ARAP2: variants seen among roughly 807,000 people sequenced by gnomAD.
The protein encoded by ARAP2 is arf-GAP with Rho-GAP domain, ANK repeat and PH domain-containing protein 2.
ARAP2 carries 148 observed loss-of-function variants against 194.5 expected under a neutral mutation model. The ratio of observed to expected loss-of-function variants is 0.76; its 90% CI spans 0.67 to 0.87. The LOEUF (loss-of-function observed/expected upper bound fraction) is 0.87. ARAP2 is among the 40% of genes least tolerant of loss of function. The pLI is 0.00. For missense variants in ARAP2, 2,128 were observed against 1,989.7 expected (o/e 1.07, Z -1.32); for synonymous variants, 695 against 683.5 (o/e 1.02, Z -0.26).
chr4:36,152,549 C>T (rs914838220), intron 15 of ARAP2, among the ~76,000 whole-genome samples: 1 of 152,060 alleles, frequency 6.6e-6, no homozygotes, highest in African/African-American at 2.4e-5. Flanking sequence ...AGATCCACCC[C>T]TGTTCTCAGG....
intron 2 of ARAP2, among the ~76,000 whole-genome samples, chr4:36,221,579 T>A (rs982463865): frequency 6.6e-6 from 1 of 152,102 alleles, no homozygotes; most frequent in Non-Finnish European, 1.5e-5. Flanking sequence ...TTTTAAGGAA[T>A]ATTTTGTTGG....
chr4:36,021,060 T>G (rs1343366789), intron 5 of ARAP2, among the ~76,000 whole-genome samples: 1 of 152,196 alleles, frequency 6.6e-6, no homozygotes, highest in Non-Finnish European at 1.5e-5. Context: ...GAAGGAAAGA[T>G]GATACGTATC....
intron 5 of ARAP2, 134 bp from the exon 6 acceptor site, chr4:36,210,877 A>G: frequency 1.5e-6 from 1 of 656,012 alleles, no homozygotes; most frequent in South Asian, 2.6e-5. Flanking sequence ...CATTAACCCT[A>G]TTGAAAATTT....
chr4:36,161,146 AAC>A (rs36207295), intron 12 of ARAP2, among the ~76,000 whole-genome samples: 12,549 of 147,344 alleles, frequency 0.085, 546 homozygotes, highest in Middle Eastern at 0.13. Flanking sequence ...CACACACACA[AAC>A]ACACACACAC....
chr4:36,185,091 C>A (rs1222412888), intron 8 of ARAP2, among the ~76,000 whole-genome samples: 1 of 152,198 alleles, frequency 6.6e-6, no homozygotes, highest in African/African-American at 2.4e-5. Flanking sequence ...TGTGCCACAA[C>A]TACTCAGTGA....
intron 31 of ARAP2, among the ~76,000 whole-genome samples, chr4:36,077,309 A>C (rs1410673986): frequency 6.6e-6 from 1 of 152,068 alleles, no homozygotes; most frequent in Non-Finnish European, 1.5e-5. Context: ...AGCCCTTCGT[A>C]AATCAGACAC....
chr4:36,189,846 C>T (rs181727623), intron 7 of ARAP2, among the ~76,000 whole-genome samples: 12 of 152,288 alleles, frequency 7.9e-5, no homozygotes, highest in African/African-American at 2.9e-4. Context: ...AACTGTAAAA[C>T]TGAATTTATT....
chr4:36,017,164 T>C (rs552631484), intron 6 of ARAP2, among the ~76,000 whole-genome samples: 1 of 151,872 alleles, frequency 6.6e-6, no homozygotes, highest in Non-Finnish European at 1.5e-5. Flanking sequence ...AATATATATA[T>C]ATTCAATTTG....
rs1193520048 is a variant in ARAP2 at position 36,222,925 on chromosome 4, G to C, written c.905+5657C>G. On this transcript the variant is annotated intron_variant, in intron 2 of 32. Transcript: ENST00000303965. Reference sequence around the variant, plus strand: ...TAGCTTAACTTCAAATAGGGAGAAGGTACCTCCTTCTTCCTCATAAATTCC... The same window carrying C: ...TAGCTTAACTTCAAATAGGGAGAAGCTACCTCCTTCTTCCTCATAAATTCC... 2.0e-5 allele frequency among the ~76,000 whole-genome samples: 3 copies of C among 151,972 alleles called. No individual in the cohort carries two copies. The East Asian group carries it at 5.8e-4, about 29-fold the overall frequency.
At chr4:36,028,571 T>C (rs1446189145) in intron 5 of ARAP2, among the ~76,000 whole-genome samples, 1 of 151,666 alleles carries the variant, frequency 6.6e-6, no homozygotes, top group African/African-American at 2.4e-5. Context: ...ACTTTTTCAT[T>C]TTCTTTCTTT....
intron 25 of ARAP2, among the ~76,000 whole-genome samples, chr4:36,115,632 T>A (rs890669575): frequency 2.0e-5 from 3 of 151,960 alleles, no homozygotes; most frequent in African/African-American, 7.2e-5. Flanking sequence ...CCAGTCGAGA[T>A]TATGATGACC....
chr4:36,162,715 C>A (rs1374749467), intron 11 of ARAP2, among the ~76,000 whole-genome samples: 3 of 151,192 alleles, frequency 2.0e-5, no homozygotes, highest in South Asian at 4.2e-4. Flanking sequence ...CAATACAGTA[C>A]CCAGCAGGTA....
chr4:36,239,069 A>G (rs914549044), intron 1 of ARAP2, among the ~76,000 whole-genome samples: 1 of 152,122 alleles, frequency 6.6e-6, no homozygotes, highest in East Asian at 1.9e-4. Context: ...TGAGGTCAGG[A>G]GTTTGAGACC....
At chr4:36,160,330 C>T (rs538132412) in intron 13 of ARAP2, 129 bp downstream of exon 13, 1 of 1,241,172 alleles carries the variant, frequency 8.1e-7, no homozygotes, top group East Asian at 3.4e-5. Flanking sequence ...AATAATGTCA[C>T]AAAAGGAAAT....
At chr4:36,127,202 C>T (rs1724147993) in intron 21 of ARAP2, among the ~76,000 whole-genome samples, 2 of 152,142 alleles carry the variant, frequency 1.3e-5, no homozygotes, top group South Asian at 4.2e-4. Flanking sequence ...AGTAGAGATA[C>T]TCTAAACAGC....
intron 9 of ARAP2, among the ~76,000 whole-genome samples, chr4:36,174,198 C>G (rs1560592130): frequency 6.6e-6 from 1 of 152,116 alleles, no homozygotes; most frequent in African/African-American, 2.4e-5. Flanking sequence ...GTAACCTATA[C>G]AAACCCAATT....
chr4:36,200,621 T>G (rs1013225776), intron 6 of ARAP2, among the ~76,000 whole-genome samples: 8 of 152,146 alleles, frequency 5.3e-5, no homozygotes, highest in African/African-American at 1.9e-4. Context: ...TTAATCAAAA[T>G]TTCAACTAAA....
chr4:36,117,976 T>C (rs532918223), intron 24 of ARAP2, among the ~76,000 whole-genome samples: 2 of 151,562 alleles, frequency 1.3e-5, no homozygotes, highest in African/African-American at 4.8e-5. Flanking sequence ...TTAGAAACAG[T>C]ATCACCTGAT....
At chr4:36,018,460 A>C (rs1716288096) in intron 6 of ARAP2, among the ~76,000 whole-genome samples, 1 of 152,096 alleles carries the variant, frequency 6.6e-6, no homozygotes. Flanking sequence ...AAAAAAAAAA[A>C]AAAACTCAGC....
Sources: allele counts gnomAD v4.1 joint callset (sites outside exome capture counted in the v4.1 genomes callset), GRCh38; gene constraint gnomAD v4.1.1; transcripts MANE v1.5; gene names NCBI Gene and HGNC (gene_info 2026-07-23, HGNC 2026-07-21).